TAX1BP1: variants seen among roughly 807,000 people sequenced by gnomAD.
The protein encoded by TAX1BP1 is tax1-binding protein 1.
Under a neutral mutation model 97.7 loss-of-function variants are expected in TAX1BP1, and 62 were observed. The ratio of observed to expected loss-of-function variants is 0.63; its 90% confidence interval spans 0.52 to 0.78. The LOEUF (loss-of-function observed/expected upper bound fraction) is 0.78. Ranked by LOEUF, TAX1BP1 falls within the 30% of genes least tolerant of loss-of-function variation. TAX1BP1 has a pLI of 0.00. For missense variants in TAX1BP1, 867 were observed against 916.1 expected (o/e 0.95, Z 0.69); for synonymous variants, 340 against 304.2 (o/e 1.12, Z -1.23).
intron 15 of TAX1BP1, among the ~76,000 whole-genome samples, chr7:27,826,012 A>G (rs1791165536): frequency 6.6e-6 from 1 of 151,882 alleles, no homozygotes; most frequent in African/African-American, 2.4e-5. Flanking sequence ...ACTGTTTTGT[A>G]GTTATTTAAG....
chr7:27,798,491 C>T (rs1247848494), intron 12 of TAX1BP1, among the ~76,000 whole-genome samples: 1 of 151,804 alleles, frequency 6.6e-6, no homozygotes, highest in Non-Finnish European at 1.5e-5. Flanking sequence ...TGGTGAAACC[C>T]TTTCTCTACT....
chr7:27,773,339 A>G (rs184188272), intron 5 of TAX1BP1, among the ~76,000 whole-genome samples: 20 of 152,198 alleles, frequency 1.3e-4, no homozygotes, highest in East Asian at 5.8e-4. Flanking sequence ...ATACAATTCA[A>G]TGGATTTTAA....
At chr7:27,804,549 C>G (rs1292766715) in intron 13 of TAX1BP1, among the ~76,000 whole-genome samples, 1 of 152,220 alleles carries the variant, frequency 6.6e-6, no homozygotes, top group Non-Finnish European at 1.5e-5. Flanking sequence ...ACTGCTCCCA[C>G]TTTAGATGCC....
rs199953714 is a variant in TAX1BP1 at position 27,821,144 on chromosome 7, TAC to T, written c.2085+4110_2085+4111del. Among the ~76,000 whole-genome samples the T allele has an allele frequency of 4.8e-3, 732 of 152,312 alleles. 5 individuals are homozygous for T. Among genetic ancestry groups the T allele is most frequent in the Middle Eastern group, 0.02 (6 of 294 alleles). On this transcript the variant is annotated intron_variant, in intron 15 of 16. Coordinates refer to ENST00000396319, the MANE Select transcript of TAX1BP1 (RefSeq NM_006024.7). ...TTGCTGTTCCATTTAAAATTTTTTG[TAC>T]ACAGTTATTTCCAACAGATAATATA...
Position 27,829,694 on chromosome 7 carries a change from CTTCAG to C in TAX1BP1, c.*868_*872del, listed in dbSNP as rs1013203727. 1.4e-4 allele frequency: 21 copies of C among 152,136 alleles called. No homozygotes were observed. The highest frequency in any genetic ancestry group is 5.1e-4 in the African/African-American group (21 of 41,446). The allele number at this position is 152,136 out of a possible 1,614,324, so 9.4% of individuals were successfully genotyped here. A position where few individuals can be genotyped will look rare whatever the true frequency, so the allele number is the denominator to read the frequency against. The stretch of plus-strand genomic sequence containing the variant: ...AAACCCAAATCAAAGTAATGTGTTT[CTTCAG>C]TTATGTCTGTGCTGTATAGAACTGT... On this transcript the variant is annotated 3_prime_UTR_variant, in exon 17 of 17. Coordinates refer to ENST00000396319, the MANE Select transcript of TAX1BP1 (RefSeq NM_006024.7).
intron 5 of TAX1BP1, among the ~76,000 whole-genome samples, chr7:27,778,357 C>T (rs1265707658): frequency 6.6e-6 from 1 of 151,880 alleles, no homozygotes; most frequent in Non-Finnish European, 1.5e-5. Context: ...TGGTCTAGTA[C>T]TGTTCGCCTA....
chr7:27,740,863 T>A (rs1226586806), intron 1 of TAX1BP1, among the ~76,000 whole-genome samples: 1 of 152,182 alleles, frequency 6.6e-6, no homozygotes, highest in Non-Finnish European at 1.5e-5. Flanking sequence ...GCTGATGGCC[T>A]GCTTCACCTG....
At chr7:27,764,739 G>T (rs1319920810) in intron 3 of TAX1BP1, among the ~76,000 whole-genome samples, 1 of 151,914 alleles carries the variant, frequency 6.6e-6, no homozygotes, top group Non-Finnish European at 1.5e-5. Flanking sequence ...TTCATTACTT[G>T]TATATTTATT....
Position 27,807,193 on chromosome 7 carries a change from A to G in TAX1BP1, c.1764+7103A>G, listed in dbSNP as rs539081307. On this transcript the variant is annotated intron_variant, in intron 13 of 16. Transcript: ENST00000396319. ...TTTGACAGTAACTGGAGGTGAAGAC[A>G]TAACAGTCCCTGCATATTGTATCCT... is the stretch of plus-strand genomic sequence containing the variant. Among the ~76,000 whole-genome samples the G allele has an allele frequency of 3.9e-5, 6 of 152,302 alleles. No homozygotes were observed. In the South Asian group the frequency reaches 6.2e-4, roughly 16 times the overall value.
At chr7:27,796,272 G>T in intron 12 of TAX1BP1, 53 bp downstream of exon 12, 1 of 1,349,694 alleles carries the variant, frequency 7.4e-7, no homozygotes, top group Non-Finnish European at 1.0e-6. Context: ...TAATGACTTA[G>T]CTTACCTTTA....
chr7:27,814,495 T>TC (rs1288550782), intron 13 of TAX1BP1, among the ~76,000 whole-genome samples: 1 of 152,214 alleles, frequency 6.6e-6, no homozygotes, highest in Non-Finnish European at 1.5e-5. Flanking sequence ...AGTTTTCTAG[T>TC]CCATGAACAT....
chr7:27,744,650 T>C (rs1562693086), intron 1 of TAX1BP1, among the ~76,000 whole-genome samples: 1 of 152,192 alleles, frequency 6.6e-6, no homozygotes, highest in Admixed American at 6.5e-5. Context: ...GCTTACATTT[T>C]TGGGCTAAAG....
rs987453401 is a variant in TAX1BP1, at chr7:27,759,594, T to TA, written c.265+1473dup. On this transcript the variant is annotated intron_variant, in intron 3 of 16. Transcript: ENST00000396319. ...TGAGAACTTTATTTGCCTTTATGTT[T>TA]AAAAAAAAAAAATTCTAGGACTTTA... Among the ~76,000 whole-genome samples the TA allele has an allele frequency of 3.1e-3, 464 of 147,842 alleles. 2 individuals carry two copies. The highest frequency in any genetic ancestry group is 4.5e-3 in the Non-Finnish European group (299 of 66,574).
At chr7:27,794,839 GA>G (rs1250672091) in intron 11 of TAX1BP1, among the ~76,000 whole-genome samples, 2 of 151,950 alleles carry the variant, frequency 1.3e-5, no homozygotes, top group East Asian at 1.9e-4. Context: ...TTCTGCAGGG[GA>G]AAAAATCCCC....
At chr7:27,752,758 T>C (rs1248028961) in intron 2 of TAX1BP1, among the ~76,000 whole-genome samples, 1 of 152,230 alleles carries the variant, frequency 6.6e-6, no homozygotes, top group Non-Finnish European at 1.5e-5. Flanking sequence ...CTGAGCATTA[T>C]ACTCCCTGTT....
intron 8 of TAX1BP1, among the ~76,000 whole-genome samples, chr7:27,788,070 G>C (rs1273052459): frequency 6.6e-6 from 1 of 151,748 alleles, no homozygotes; most frequent in Non-Finnish European, 1.5e-5. Context: ...TGTATTTTGA[G>C]TCGGTTTCAG....
chr7:27,776,028 T>G (rs1789022268), intron 5 of TAX1BP1, among the ~76,000 whole-genome samples: 1 of 152,182 alleles, frequency 6.6e-6, no homozygotes, highest in Non-Finnish European at 1.5e-5. Flanking sequence ...CCCAGCTGTT[T>G]GCTTATCTGG....
At chr7:27,797,746 G>A (rs1389248258) in intron 12 of TAX1BP1, among the ~76,000 whole-genome samples, 2 of 151,430 alleles carry the variant, frequency 1.3e-5, no homozygotes, top group Non-Finnish European at 2.9e-5. Context: ...TTTCGTTAAA[G>A]ATGAAACAAT....
At position 27,823,518 on chromosome 7, in the gene TAX1BP1, A is replaced by G. The variant is rs146203691; in HGVS notation, c.2086-4220A>G. ...ATTACAACACAGTTTGGGAAATGCT[A>G]AGTAGAGAGTCCCACAGTCTGGATA... On this transcript the variant is annotated intron_variant, in intron 15 of 16. Coordinates refer to ENST00000396319, the MANE Select transcript of TAX1BP1 (RefSeq NM_006024.7). 2.8e-3 allele frequency among the ~76,000 whole-genome samples: 425 copies of G among 152,310 alleles called. 1 individual carries two copies. Among genetic ancestry groups the G allele is most frequent in the Middle Eastern group, 6.8e-3 (2 of 294 alleles).
Sources: gnomAD v4.1 joint callset for allele counts (sites outside exome capture counted in the v4.1 genomes callset) on GRCh38, gnomAD v4.1.1 for gene constraint, MANE v1.5 for transcripts, NCBI Gene and HGNC (gene_info 2026-07-23, HGNC 2026-07-21) for gene names.